Variants in PDHX observed in about 807,000 individuals in gnomAD.
PDHX encodes pyruvate dehydrogenase protein X component, mitochondrial.
PDHX carries 33 observed loss-of-function variants against 55.3 expected under a neutral mutation model. The observed-to-expected ratio is 0.60, with a 90% confidence interval of 0.45 to 0.80. PDHX has a LOEUF of 0.80. Ranked by LOEUF, PDHX falls within the 30% of genes least tolerant of loss-of-function variation. The pLI, the probability that PDHX is intolerant of heterozygous loss-of-function variation, is 0.00. For missense variants in PDHX, 622 were observed against 619.9 expected, an observed-to-expected ratio of 1.00 and a Z score of -0.04; for synonymous variants, 226 against 219.4, an observed-to-expected ratio of 1.03 and a Z score of -0.27.
chr11:34,987,112 AATG>A (rs1038916966), intron 9 of PDHX, among the ~76,000 whole-genome samples: 17 of 152,236 alleles, frequency 1.1e-4, no homozygotes, highest in Non-Finnish European at 2.4e-4. Context: ...GCCACTGCTT[AATG>A]AGCTTTCTAT....
intron 7 of PDHX, among the ~76,000 whole-genome samples, chr11:34,976,179 G>A (rs1180508664): frequency 2.0e-5 from 3 of 152,016 alleles, no homozygotes; most frequent in East Asian, 3.9e-4. Context: ...TGGTAATTAG[G>A]AATTTTCTTA....
intron 2 of PDHX, among the ~76,000 whole-genome samples, chr11:34,936,919 G>T (rs1231486045): frequency 6.6e-6 from 1 of 151,436 alleles, no homozygotes; most frequent in Non-Finnish European, 1.5e-5. Flanking sequence ...CTCCCAAGTA[G>T]CTGGGACTAC....
At chr11:34,970,706 T>C (rs1855239300) in intron 7 of PDHX, among the ~76,000 whole-genome samples, 1 of 152,202 alleles carries the variant, frequency 6.6e-6, no homozygotes, top group South Asian at 2.1e-4. Context: ...TGTGAAACTT[T>C]TTGAGTGCCA....
chr11:34,977,537 T>C (rs1221255049), intron 7 of PDHX, among the ~76,000 whole-genome samples: 1 of 152,156 alleles, frequency 6.6e-6, no homozygotes, highest in Non-Finnish European at 1.5e-5. Flanking sequence ...GCTTTTGTTA[T>C]ATCCTGTTTT....
intron 5 of PDHX, among the ~76,000 whole-genome samples, chr11:34,964,629 A>G (rs1375587534): frequency 6.6e-6 from 1 of 152,068 alleles, no homozygotes; most frequent in Non-Finnish European, 1.5e-5. Flanking sequence ...AAAATCAGCA[A>G]TACAAGTTTT....
intron 2 of PDHX, among the ~76,000 whole-genome samples, chr11:34,946,390 A>C (rs1362522108): frequency 1.3e-5 from 2 of 152,130 alleles, no homozygotes; most frequent in African/African-American, 4.8e-5. Context: ...GCACTAAATA[A>C]ATTGCTTCTG....
At chr11:34,992,695 A>G (rs917784219) in intron 10 of PDHX, among the ~76,000 whole-genome samples, 2 of 152,254 alleles carry the variant, frequency 1.3e-5, no homozygotes, top group Admixed American at 6.5e-5. Flanking sequence ...ATGTGAAACA[A>G]CCACTTATTT....
chr11:34,946,745 A>G (rs1565155765), intron 2 of PDHX, among the ~76,000 whole-genome samples: 1 of 152,220 alleles, frequency 6.6e-6, no homozygotes, highest in Non-Finnish European at 1.5e-5. Flanking sequence ...TCAGCCTCAC[A>G]TTATGAGTAG....
At chr11:34,989,526 C>T (rs1056395876) in intron 9 of PDHX, among the ~76,000 whole-genome samples, 4 of 151,700 alleles carry the variant, frequency 2.6e-5, no homozygotes, top group African/African-American at 9.8e-5. Context: ...AACCAAGGCT[C>T]TCTACCTGGT....
At chr11:34,927,079 A>G (rs1854043034) in intron 1 of PDHX, among the ~76,000 whole-genome samples, 1 of 152,140 alleles carries the variant, frequency 6.6e-6, no homozygotes, top group South Asian at 2.1e-4. Context: ...GTTTAAATAT[A>G]AAGTACTGGA....
At chr11:34,971,081 A>G (rs1301622424) in intron 7 of PDHX, among the ~76,000 whole-genome samples, 1 of 152,116 alleles carries the variant, frequency 6.6e-6, no homozygotes, top group Non-Finnish European at 1.5e-5. Flanking sequence ...TTAAAATCCA[A>G]AACTTTTAAG....
intron 5 of PDHX, among the ~76,000 whole-genome samples, chr11:34,965,615 G>A (rs1303604661): frequency 1.3e-5 from 2 of 152,144 alleles, no homozygotes; most frequent in East Asian, 1.9e-4. Flanking sequence ...ACAGTCAAGA[G>A]GGATGATATG....
At chr11:34,930,724 A>T (rs1379836818) in intron 1 of PDHX, among the ~76,000 whole-genome samples, 1 of 152,214 alleles carries the variant, frequency 6.6e-6, no homozygotes, top group African/African-American at 2.4e-5. Flanking sequence ...AAATGTAGTT[A>T]TGTTTCATTG....
In PDHX at chr11:34,967,673, A is replaced by G. The variant is rs369284105; in HGVS notation, c.816+859A>G. Among the ~76,000 whole-genome samples the G allele has an allele frequency of 9.1e-4, 139 of 152,282 alleles. 2 individuals are homozygous for G. Among genetic ancestry groups the G allele is most frequent in the African/African-American group, 3.2e-3 (134 of 41,562 alleles). ...TTCTTCCTATCAGAAGAAATGTAGG[A>G]TAGCCCAGTTTATTTAAAATCGAAT... is the stretch of plus-strand genomic sequence containing the variant. On this transcript the variant is annotated intron_variant, in intron 6 of 10. Coordinates refer to ENST00000227868, the MANE Select transcript of PDHX (RefSeq NM_003477.3).
rs141506224 is a variant in PDHX at position 34,966,768 on chromosome 11, G to C, written c.770G>C (p.Arg257Pro). ...LQATAGPSYP[R>P]PVIPPVSTPG... ...GCCACAGCTGGACCATCTTATCCCCGGCCTGTGATCCCACCAGTATCAACT... is the reference window on the plus strand; with the variant it reads ...GCCACAGCTGGACCATCTTATCCCCCGCCTGTGATCCCACCAGTATCAACT... Residue 257 changes from arginine to proline, a missense_variant, in exon 6 of 11, where the codon CGG (arginine) becomes CCG (proline). Coordinates refer to ENST00000227868, the MANE Select transcript of PDHX (RefSeq NM_003477.3). 2 of 1,613,908 alleles carry C rather than the reference G, an allele frequency of 1.2e-6. No homozygotes were observed. The highest frequency in any genetic ancestry group is 2.7e-5 in the African/African-American group (2 of 74,896).
At chr11:34,970,801 T>C (rs1239810013) in intron 7 of PDHX, among the ~76,000 whole-genome samples, 1 of 152,194 alleles carries the variant, frequency 6.6e-6, no homozygotes, top group Non-Finnish European at 1.5e-5. Context: ...AAATGTAATA[T>C]TACAAAATCT....
At chr11:34,933,637 C>T (rs1465367734) in intron 2 of PDHX, among the ~76,000 whole-genome samples, 2 of 152,102 alleles carry the variant, frequency 1.3e-5, no homozygotes, top group African/African-American at 2.4e-5. Flanking sequence ...CAGTAAGCAC[C>T]CCTAGAACCC....
intron 8 of PDHX, among the ~76,000 whole-genome samples, chr11:34,980,990 T>C (rs1054177974): frequency 2.0e-5 from 3 of 152,120 alleles, no homozygotes; most frequent in Non-Finnish European, 2.9e-5. Context: ...CATCATTTGA[T>C]GAAATCTTTT....
rs533536296 is a variant in PDHX at position 34,924,626 on chromosome 11, C to A, written c.161-6778C>A. Among the ~76,000 whole-genome samples the A allele has an allele frequency of 5.3e-5, 8 of 152,218 alleles. No individual in the cohort carries two copies. In the South Asian group the frequency reaches 1.5e-3, roughly 28 times the overall value. On this transcript the variant is annotated intron_variant, in intron 1 of 10. Coordinates refer to ENST00000227868, the MANE Select transcript of PDHX (RefSeq NM_003477.3). ...TAGGTGGTGGATCTGAAATTAGAGC[C>A]TAGGCAGTTTGATTCCAGTACCTAT...
Sources: allele counts gnomAD v4.1 joint callset (sites outside exome capture counted in the v4.1 genomes callset), GRCh38; gene constraint gnomAD v4.1.1; transcripts MANE v1.5; gene names NCBI Gene and HGNC (gene_info 2026-07-23, HGNC 2026-07-21).